GFRAL: variants seen among roughly 807,000 people sequenced by gnomAD.
GFRAL encodes GDNF family receptor alpha like.
In GFRAL, 36 loss-of-function variants were observed where a neutral mutation model predicts 45.4. That is an observed-to-expected ratio of 0.79 (90% CI 0.61 to 1.05). The LOEUF is 1.05. Ranked by LOEUF, GFRAL falls within the 50% of genes least tolerant of loss-of-function variation. The pLI is 0.00. For synonymous variants in GFRAL, 166 were observed against 154.1 expected (o/e 1.08, Z -0.57); for missense variants, 507 against 467.5 (o/e 1.08, Z -0.78).
chr6:55,402,056 A>C lies in GFRAL; in HGVS notation c.*203A>C. 1 of 424,344 alleles carries C rather than the reference A, an allele frequency of 2.4e-6. No individual in the cohort carries two copies. The highest frequency in any genetic ancestry group is 4.2e-5 in the South Asian group (1 of 24,014). The allele number at this position is 424,344 out of a possible 1,614,324, so 26.3% of individuals were successfully genotyped here. ...CAATGGCTCAATCTCGGTTCACTGC[A>C]ACCTCTGCCTCCAAGGTTCAAGTGA... On this transcript the variant is annotated 3_prime_UTR_variant, in exon 9 of 9. Transcript: ENST00000340465.
At chr6:55,341,855 C>T (rs1242575824) in intron 3 of GFRAL, among the ~76,000 whole-genome samples, 1 of 152,068 alleles carries the variant, frequency 6.6e-6, no homozygotes, top group South Asian at 2.1e-4. Context: ...AAAACCATGG[C>T]ACGAGAACTA....
chr6:55,377,910 A>G (rs1768556158), intron 6 of GFRAL, among the ~76,000 whole-genome samples: 1 of 152,096 alleles, frequency 6.6e-6, no homozygotes, highest in Non-Finnish European at 1.5e-5. Flanking sequence ...CAGTAAAAAG[A>G]TGCAATACTG....
At chr6:55,364,179 T>C (rs1393763185) in intron 6 of GFRAL, among the ~76,000 whole-genome samples, 1 of 151,080 alleles carries the variant, frequency 6.6e-6, no homozygotes, top group Non-Finnish European at 1.5e-5. Flanking sequence ...TGCATTTCTC[T>C]GACGGCCAGT....
chr6:55,379,576 C>T (rs200702996), intron 6 of GFRAL, among the ~76,000 whole-genome samples: 2 of 11,112 alleles, frequency 1.8e-4, no homozygotes, highest in African/African-American at 2.5e-4. Context: ...TTTTGAAATA[C>T]ACACACACAC....
chr6:55,359,063 T>C lies in GFRAL; in HGVS notation c.877T>C (p.Cys293Arg). The change falls in exon 6 of 9, where the codon TGT (cysteine) becomes CGT (arginine). Residue 293 changes from cysteine (C) to arginine (R), a missense_variant. Physicochemically the swap from Cys to Arg is radical, Grantham distance 180 (BLOSUM62 -3). Transcript: ENST00000340465. ...GACGGTCCTTCAAGTGCAATGTACC[T>C]GTAGGACCATTACACAAAGTGAGGA... is the stretch of plus-strand genomic sequence containing the variant. ...LGTVLQVQCT[C>R]RTITQSEESL... 1 of 1,612,770 alleles carries C rather than the reference T, an allele frequency of 6.2e-7. No individual in the cohort carries two copies. Among genetic ancestry groups the C allele is most frequent in the African/African-American group, 1.3e-5 (1 of 74,954 alleles).
intron 6 of GFRAL, among the ~76,000 whole-genome samples, chr6:55,380,872 T>C (rs916636130): frequency 7.2e-5 from 11 of 151,988 alleles, no homozygotes; most frequent in Non-Finnish European, 4.4e-5. Context: ...CTAATACTGC[T>C]TCTCTATTTA....
At chr6:55,337,736 T>C (rs990073280) in intron 3 of GFRAL, among the ~76,000 whole-genome samples, 9 of 152,192 alleles carry the variant, frequency 5.9e-5, no homozygotes, top group African/African-American at 1.9e-4. Context: ...GCTCCTAGTA[T>C]TTCCTAATTG....
At chr6:55,398,940 C>A (rs1239074357) in intron 6 of GFRAL, among the ~76,000 whole-genome samples, 2 of 151,924 alleles carry the variant, frequency 1.3e-5, no homozygotes, top group African/African-American at 2.4e-5. Flanking sequence ...AAAATATAAT[C>A]ATTGTACTAA....
intron 3 of GFRAL, among the ~76,000 whole-genome samples, chr6:55,337,550 G>T (rs902034775): frequency 1.3e-5 from 2 of 152,094 alleles, no homozygotes; most frequent in Non-Finnish European, 2.9e-5. Flanking sequence ...TCATTAAAAA[G>T]ATTTGAAAAT....
Position 55,351,221 on chromosome 6 carries a change from T to C in GFRAL, c.371-32T>C, listed in dbSNP as rs200476431. 9.4e-5 allele frequency: 138 copies of C among 1,473,662 alleles called. No individual in the cohort carries two copies. The East Asian group carries it at 2.8e-3, about 30-fold the overall frequency. The allele number at this position is 1,473,662 out of a possible 1,614,324, so 91.3% of individuals were successfully genotyped here. A position where few individuals can be genotyped will look rare whatever the true frequency, so the allele number is the denominator to read the frequency against. On this transcript the variant is annotated intron_variant, in intron 4 of 8. Transcript: ENST00000340465. ...CTGTATGTACAGCTTTGTGTTTACTTTTCCACGACCTGGGCATATCATTGC... is the reference window on the plus strand; with the variant it reads ...CTGTATGTACAGCTTTGTGTTTACTCTTCCACGACCTGGGCATATCATTGC...
chr6:55,332,842 A>G (rs1370220865), intron 2 of GFRAL, among the ~76,000 whole-genome samples: 1 of 152,118 alleles, frequency 6.6e-6, no homozygotes, highest in African/African-American at 2.4e-5. Context: ...AGTATAAACT[A>G]CAAATAGAAT....
intron 5 of GFRAL, 34 bp downstream of exon 5, chr6:55,351,617 T>G: frequency 6.7e-7 from 1 of 1,493,778 alleles, no homozygotes; most frequent in Admixed American, 1.8e-5. Context: ...ACTTTCTTAT[T>G]TCGGCACCTT....
chr6:55,369,647 G>A (rs1337931463), intron 6 of GFRAL, among the ~76,000 whole-genome samples: 2 of 152,054 alleles, frequency 1.3e-5, no homozygotes, highest in African/African-American at 4.8e-5. Flanking sequence ...TCAAATAGTG[G>A]AATTACTAGA....
rs183024765 is a variant in GFRAL at position 55,373,270 on chromosome 6, T to C, written c.952+14132T>C. On this transcript the variant is annotated intron_variant, in intron 6 of 8. Transcript: ENST00000340465. ...GCTCCTATTTTATCCTCTGAAAGGT[T>C]CTTCCTTGACCGTATTTTTCCACGG... 1.2e-3 allele frequency among the ~76,000 whole-genome samples: 190 copies of C among 152,226 alleles called. 2 individuals carry two copies. Among genetic ancestry groups the C allele is most frequent in the African/African-American group, 4.4e-3 (184 of 41,544 alleles).
chr6:55,394,777 G>A (rs1768799444), intron 6 of GFRAL, among the ~76,000 whole-genome samples: 1 of 151,856 alleles, frequency 6.6e-6, no homozygotes, highest in Non-Finnish European at 1.5e-5. Flanking sequence ...CATCAAATCT[G>A]GTGTATTTTC....
intron 3 of GFRAL, among the ~76,000 whole-genome samples, chr6:55,347,897 T>C (rs1446395118): frequency 1.3e-5 from 2 of 152,194 alleles, no homozygotes; most frequent in African/African-American, 2.4e-5. Flanking sequence ...TTAATTCAAC[T>C]AGTCATTTTA....
At chr6:55,396,272 T>C (rs1467494269) in intron 6 of GFRAL, among the ~76,000 whole-genome samples, 1 of 152,234 alleles carries the variant, frequency 6.6e-6, no homozygotes, top group Non-Finnish European at 1.5e-5. Context: ...TATTATAACG[T>C]TGTTAATGAG....
At chr6:55,390,924 A>G (rs775351772) in intron 6 of GFRAL, among the ~76,000 whole-genome samples, 6,531 of 151,692 alleles carry the variant, frequency 0.043, 226 homozygotes, top group African/African-American at 0.074. Context: ...ACACACACAC[A>G]CACACACACA....
intron 6 of GFRAL, among the ~76,000 whole-genome samples, chr6:55,377,480 A>T (rs1768550261): frequency 6.6e-6 from 1 of 151,980 alleles, no homozygotes; most frequent in Admixed American, 6.6e-5. Flanking sequence ...GTATGGCCAC[A>T]CCCTCTTCTA....
Sources: gnomAD v4.1 joint callset for allele counts (sites outside exome capture counted in the v4.1 genomes callset) on GRCh38, gnomAD v4.1.1 for gene constraint, MANE v1.5 for transcripts, NCBI Gene and HGNC (gene_info 2026-07-23, HGNC 2026-07-21) for gene names.